Variants in ZNF248 observed in about 807,000 individuals in gnomAD.
ZNF248 encodes the protein KRAB protein domain.
In ZNF248, 20 loss-of-function variants were observed where a neutral mutation model predicts 44.3. That is an observed-to-expected ratio of 0.45 (90% CI 0.32 to 0.66). The LOEUF is 0.66. ZNF248 is among the 30% of genes least tolerant of loss of function. The probability of loss-of-function intolerance (pLI) is 0.04; values close to 1 mark genes in which losing one functional copy is unlikely to be tolerated. For synonymous variants in ZNF248, 224 were observed against 229.0 expected, an observed-to-expected ratio of 0.98 and a Z score of 0.20; for missense variants, 654 against 677.0, an observed-to-expected ratio of 0.97 and a Z score of 0.38.
intron 6 of ZNF248, among the ~76,000 whole-genome samples, chr10:37,809,043 G>A (rs1410904919): frequency 6.6e-6 from 1 of 151,954 alleles, no homozygotes; most frequent in South Asian, 2.1e-4. Flanking sequence ...GTACTTTCTT[G>A]TATTTTATTT....
In ZNF248 at chr10:37,832,892, T is replaced by C. The variant is rs1331996426; in HGVS notation, c.463A>G (p.Ile155Val). ...TTTCTGGAACAGTTCTTTTTACTAA[T>C]AATTAAGCCCGAAATATTTTTCAAA... ...MNLKNISGLI[I>V]SKKNCSRKKP... The change falls in exon 6 of 6, where the codon ATT becomes GTT. Residue 155 changes from isoleucine (I) to valine (V), a missense_variant. Physicochemically the swap from Ile to Val is conservative, Grantham distance 29 (BLOSUM62 3). Coordinates refer to ENST00000395867, the MANE Select transcript of ZNF248 (RefSeq NM_021045.3). 1 of 1,613,394 alleles carries C rather than the reference T, an allele frequency of 6.2e-7. No homozygotes were observed.
chr10:37,778,718 T>A (rs950723325), intron 6 of ZNF248, among the ~76,000 whole-genome samples: 7 of 152,038 alleles, frequency 4.6e-5, no homozygotes, highest in African/African-American at 1.7e-4. Context: ...AAAAAATTAA[T>A]GAATCCAGGA....
chr10:37,852,559 G>C (rs185704917), intron 3 of ZNF248, among the ~76,000 whole-genome samples: 12 of 151,818 alleles, frequency 7.9e-5, no homozygotes, highest in African/African-American at 2.9e-4. Context: ...TGGTAATTCA[G>C]CTATTCTGTA....
chr10:37,771,791 T>TA (rs954797655), downstream of ZNF248, among the ~76,000 whole-genome samples: 3 of 151,454 alleles, frequency 2.0e-5, no homozygotes, highest in Non-Finnish European at 2.9e-5. Context: ...AAAATAAAAT[T>TA]AAAAAAAACA....
intron 6 of ZNF248, among the ~76,000 whole-genome samples, chr10:37,822,711 C>T (rs2053675440): frequency 6.6e-6 from 1 of 151,806 alleles, no homozygotes; most frequent in Non-Finnish European, 1.5e-5. Flanking sequence ...TGTCTTTGGC[C>T]ACATATAAAG....
At chr10:37,774,725 A>G (rs2046446210), downstream of ZNF248, among the ~76,000 whole-genome samples, 1 of 152,072 alleles carries the variant, frequency 6.6e-6, no homozygotes, top group African/African-American at 2.4e-5. Flanking sequence ...AGTTAAAGAC[A>G]TTTTCTTAGA....
At chr10:37,821,111 A>C in intron 6 of ZNF248, 1 of 540,518 alleles carries the variant, frequency 1.9e-6, no homozygotes, top group Non-Finnish European at 3.3e-6. Flanking sequence ...GCCATTGTGG[A>C]AGTCATGGTA....
intron 3 of ZNF248, among the ~76,000 whole-genome samples, chr10:37,848,055 G>A (rs1038307099): frequency 2.0e-5 from 3 of 152,072 alleles, no homozygotes; most frequent in African/African-American, 7.2e-5. Context: ...TGAATCACCT[G>A]AGGTCAGGAG....
At chr10:37,822,055 G>C (rs928287314) in intron 6 of ZNF248, among the ~76,000 whole-genome samples, 2 of 152,138 alleles carry the variant, frequency 1.3e-5, no homozygotes, top group Non-Finnish European at 2.9e-5. Flanking sequence ...TCCCCTCCCG[G>C]TGTCGTCAGA....
chr10:37,784,615 C>G (rs1189227725), intron 6 of ZNF248, among the ~76,000 whole-genome samples: 1 of 152,150 alleles, frequency 6.6e-6, no homozygotes, highest in Non-Finnish European at 1.5e-5. Context: ...TTTCAACTTC[C>G]CTGAAGAAGA....
intron 6 of ZNF248, among the ~76,000 whole-genome samples, chr10:37,807,341 G>A (rs1314479958): frequency 1.3e-5 from 2 of 152,090 alleles, no homozygotes; most frequent in African/African-American, 4.8e-5. Flanking sequence ...AAATCAGGAG[G>A]AGTGAAAGCA....
chr10:37,774,124 TC>T (rs1397765002), downstream of ZNF248, among the ~76,000 whole-genome samples: 1 of 152,128 alleles, frequency 6.6e-6, no homozygotes, highest in African/African-American at 2.4e-5. Flanking sequence ...TCCATTTCCC[TC>T]CTTCTCTCCT....
downstream of ZNF248, chr10:37,776,392 G>A (rs1209756347): frequency 2.1e-5 from 8 of 385,184 alleles, no homozygotes; most frequent in Non-Finnish European, 3.2e-5. Context: ...GCAGGAGGAA[G>A]AATTACTTCA....
intron 6 of ZNF248, among the ~76,000 whole-genome samples, chr10:37,780,889 C>T (rs928275569): frequency 6.6e-6 from 1 of 152,240 alleles, no homozygotes; most frequent in African/African-American, 2.4e-5. Flanking sequence ...CTGAAGGTTC[C>T]GGGGCGTCTC....
intron 6 of ZNF248, among the ~76,000 whole-genome samples, chr10:37,798,508 CTGTTA>C (rs1306134120): frequency 6.6e-6 from 1 of 151,976 alleles, no homozygotes; most frequent in Non-Finnish European, 1.5e-5. Context: ...CCAGTATATA[CTGTTA>C]TATGTAAAAA....
the ZNF248 span, among the ~76,000 whole-genome samples, chr10:37,768,236 G>A: frequency 0.013 from 1,914 of 152,200 alleles, 26 homozygotes; most frequent in Middle Eastern, 0.054. Flanking sequence ...AAGTTAACAA[G>A]GATACCCAGG....
At chr10:37,823,333 C>CAAAAAAAA (rs60957023) in intron 6 of ZNF248, among the ~76,000 whole-genome samples, 1 of 17,536 alleles carries the variant, frequency 5.7e-5, no homozygotes, top group Non-Finnish European at 9.7e-5. Flanking sequence ...ACTCCGTCTC[C>CAAAAAAAA]AAAAAAAAAA....
intron 6 of ZNF248, among the ~76,000 whole-genome samples, chr10:37,798,841 T>G (rs1190254617): frequency 1.3e-5 from 2 of 152,224 alleles, no homozygotes; most frequent in African/African-American, 4.8e-5. Context: ...TCACATTGTG[T>G]ATGATTTATA....
the ZNF248 span, among the ~76,000 whole-genome samples, chr10:37,769,108 G>T: frequency 6.2e-3 from 951 of 152,188 alleles, 10 homozygotes; most frequent in African/African-American, 0.021. Context: ...AATAACAGGA[G>T]CTGAAATTGT....
Sources: gnomAD v4.1 joint callset for allele counts (sites outside exome capture counted in the v4.1 genomes callset) on GRCh38, gnomAD v4.1.1 for gene constraint, MANE v1.5 for transcripts, NCBI Gene and HGNC (gene_info 2026-07-23, HGNC 2026-07-21) for gene names.